Variants in FAM114A1 observed in about 807,000 individuals in gnomAD.
FAM114A1 encodes protein NOXP20.
In FAM114A1, 62 loss-of-function variants were observed where a neutral mutation model predicts 64.3. The observed-to-expected ratio is 0.96, with a 90% CI of 0.79 to 1.19. The LOEUF is 1.19. Ranked by LOEUF, FAM114A1 falls within the 50% of genes most tolerant of loss-of-function variation. The pLI, the probability that FAM114A1 is intolerant of heterozygous loss-of-function variation, is 0.00. For missense variants in FAM114A1, 645 were observed against 676.3 expected (o/e 0.95, Z 0.51); for synonymous variants, 254 against 251.1 (o/e 1.01, Z -0.11).
intron 13 of FAM114A1, among the ~76,000 whole-genome samples, chr4:38,939,682 A>C (rs1721431617): frequency 6.6e-6 from 1 of 152,094 alleles, no homozygotes; most frequent in African/African-American, 2.4e-5. Flanking sequence ...GATATATTTA[A>C]TTTATGTATT....
rs1006455300 is a variant in FAM114A1 at position 38,882,396 on chromosome 4, G to A, written c.348+3970G>A. Among the ~76,000 whole-genome samples the A allele has an allele frequency of 6.0e-5, 9 of 150,990 alleles. No homozygotes were observed. In the East Asian group the frequency reaches 1.4e-3, roughly 23 times the overall value. The stretch of plus-strand genomic sequence containing the variant: ...TGTAATCCCAGCACTTTGGGAGGCC[G>A]AGGGGACCGGATCACCTGAGGTCAG... On this transcript the variant is annotated intron_variant, in intron 3 of 14. Coordinates refer to ENST00000358869, the MANE Select transcript of FAM114A1 (RefSeq NM_138389.4).
At chr4:38,942,473 C>T (rs1029488508) in intron 14 of FAM114A1, among the ~76,000 whole-genome samples, 3 of 152,118 alleles carry the variant, frequency 2.0e-5, no homozygotes, top group Non-Finnish European at 4.4e-5. Flanking sequence ...AAAAATCTCT[C>T]CCCTGGCCAC....
chr4:38,903,135 G>C (rs1468957954), intron 4 of FAM114A1, among the ~76,000 whole-genome samples: 1 of 152,042 alleles, frequency 6.6e-6, no homozygotes, highest in Non-Finnish European at 1.5e-5. Context: ...AATGTAGTTG[G>C]AACAGCAGCC....
rs887924859 is a variant in FAM114A1 at position 38,931,626 on chromosome 4, A to G, written c.1323+14A>G. The G allele has an allele frequency of 3.7e-6, 6 of 1,606,992 alleles. No homozygotes were observed. The highest frequency in any genetic ancestry group is 4.2e-6 in the Non-Finnish European group (5 of 1,177,346). On this transcript the variant is annotated intron_variant, in intron 11 of 14. Transcript: ENST00000358869. ...AAGACCATAGAGGTAAATTCATTCT[A>G]GATTGTCTGCCTACAAGGTAATAAG...
At chr4:38,898,934 TTA>T (rs1402981476) in intron 4 of FAM114A1, among the ~76,000 whole-genome samples, 42 of 147,808 alleles carry the variant, frequency 2.8e-4, no homozygotes, top group Non-Finnish European at 3.0e-5. Flanking sequence ...TATATATATG[TTA>T]TATATTTATA....
Position 38,915,082 on chromosome 4 carries a change from G to A in FAM114A1, c.945+9G>A, listed in dbSNP as rs1718916256. ...ATGAAAGCGAAAGCAAGGTACTTCTGCACTACTCGTTTGAAATGGCATGCT... is the reference window on the plus strand; with the variant it reads ...ATGAAAGCGAAAGCAAGGTACTTCTACACTACTCGTTTGAAATGGCATGCT... On this transcript the variant is annotated intron_variant, in intron 8 of 14. Transcript: ENST00000358869. 6.2e-7 allele frequency: 1 copy of A among 1,612,858 alleles called. No individual in the cohort carries two copies. Among genetic ancestry groups the A allele is most frequent in the Admixed American group, 1.7e-5 (1 of 59,824 alleles).
chr4:38,941,566 C>G (rs948739734), intron 14 of FAM114A1, among the ~76,000 whole-genome samples: 1 of 152,182 alleles, frequency 6.6e-6, no homozygotes, highest in Non-Finnish European at 1.5e-5. Context: ...TGATATAAAG[C>G]TGCCCCAACC....
At chr4:38,880,122 A>G (rs557687349) in intron 3 of FAM114A1, among the ~76,000 whole-genome samples, 13 of 91,794 alleles carry the variant, frequency 1.4e-4, no homozygotes, top group African/African-American at 3.9e-4. Context: ...ATAGAATAGA[A>G]TAGAATAGAA....
chr4:38,879,315 C>T (rs896970578), intron 3 of FAM114A1, among the ~76,000 whole-genome samples: 1 of 152,294 alleles, frequency 6.6e-6, no homozygotes, highest in African/African-American at 2.4e-5. Flanking sequence ...AGATCACCCC[C>T]TTGAGGTGAC....
At chr4:38,901,220 G>C (rs934211003) in intron 4 of FAM114A1, among the ~76,000 whole-genome samples, 1 of 152,154 alleles carries the variant, frequency 6.6e-6, no homozygotes, top group African/African-American at 2.4e-5. Context: ...CCAGGGTGCT[G>C]CAGAGAACTG....
intron 1 of FAM114A1, chr4:38,868,087 G>C (rs761343326): frequency 4.7e-6 from 2 of 421,142 alleles, no homozygotes. Flanking sequence ...GTGTCGCTCC[G>C]GGTCCACGCT....
chr4:38,922,710 T>A (rs1001304751), intron 8 of FAM114A1, 60 bp from the exon 9 acceptor site: 17 of 1,569,128 alleles, frequency 1.1e-5, no homozygotes, highest in Non-Finnish European at 1.4e-5. Context: ...GACCGCTGTG[T>A]GTAAACGTTA....
chr4:38,882,050 C>T (rs1228759962), intron 3 of FAM114A1, among the ~76,000 whole-genome samples: 2 of 152,108 alleles, frequency 1.3e-5, no homozygotes, highest in Non-Finnish European at 2.9e-5. Flanking sequence ...CGGTGGCTCA[C>T]GCCTGTAATC....
At chr4:38,906,334 C>T (rs1255307716) in intron 6 of FAM114A1, among the ~76,000 whole-genome samples, 1 of 152,006 alleles carries the variant, frequency 6.6e-6, no homozygotes, top group African/African-American at 2.4e-5. Context: ...GCGTTCTTCC[C>T]CCATCCCTAC....
intron 3 of FAM114A1, among the ~76,000 whole-genome samples, chr4:38,890,725 C>T (rs1716281831): frequency 6.6e-6 from 1 of 152,140 alleles, no homozygotes; most frequent in Admixed American, 6.5e-5. Context: ...AACACGCATA[C>T]CTGAGAAAAT....
chr4:38,936,266 T>G (rs1721086475), intron 13 of FAM114A1, among the ~76,000 whole-genome samples: 2 of 151,648 alleles, frequency 1.3e-5, no homozygotes, highest in South Asian at 4.2e-4. Flanking sequence ...CTAATTTTTT[T>G]TATATTTTTA....
chr4:38,917,153 T>TAAATAAAG (rs1719136016), intron 8 of FAM114A1, among the ~76,000 whole-genome samples: 1 of 129,054 alleles, frequency 7.7e-6, no homozygotes, highest in South Asian at 2.3e-4. Flanking sequence ...AAAATACAAA[T>TAAATAAAG]AAATAAATAA....
At chr4:38,938,806 C>T (rs1721321881) in intron 13 of FAM114A1, 1 of 152,220 alleles carries the variant, frequency 6.6e-6, no homozygotes, top group Non-Finnish European at 1.5e-5. Flanking sequence ...CCACCAGATA[C>T]ATCAGATAGA....
At chr4:38,905,399 T>TA (rs1484348771) in intron 4 of FAM114A1, 123 bp from the exon 5 acceptor site, 115 of 736,124 alleles carry the variant, frequency 1.6e-4, no homozygotes, top group African/African-American at 9.2e-4. Context: ...ACTCCATCTT[T>TA]TAAAAAAAAA....
Sources: allele counts gnomAD v4.1 joint callset (sites outside exome capture counted in the v4.1 genomes callset), GRCh38; gene constraint gnomAD v4.1.1; transcripts MANE v1.5; gene names NCBI Gene and HGNC (gene_info 2026-07-23, HGNC 2026-07-21).